PLCL1: variants seen among roughly 807,000 people sequenced by gnomAD.
PLCL1 encodes inactive phospholipase C-like protein 1.
In PLCL1, 41 loss-of-function variants were observed where a neutral mutation model predicts 84.4. That is an observed-to-expected ratio of 0.49 (90% CI 0.38 to 0.63). PLCL1 has a LOEUF of 0.63. PLCL1 is among the 30% of genes least tolerant of loss of function. PLCL1 has a pLI of 0.00. For synonymous variants in PLCL1, 490 were observed against 488.3 expected, an observed-to-expected ratio of 1.00 and a Z score of -0.05; for missense variants, 1,206 against 1,367.8, an observed-to-expected ratio of 0.88 and a Z score of 1.87.
chr2:197,897,189 CT>C (rs1559038688), intron 1 of PLCL1, among the ~76,000 whole-genome samples: 2,895 of 26,884 alleles, frequency 0.11, 131 homozygotes, highest in Middle Eastern at 0.15. Context: ...TCTTCTTCTT[CT>C]CCTTCTCCTT....
At chr2:197,840,652 G>A (rs1310065387) in intron 1 of PLCL1, among the ~76,000 whole-genome samples, 1 of 152,124 alleles carries the variant, frequency 6.6e-6, no homozygotes, top group East Asian at 1.9e-4. Context: ...AGAAATAGGA[G>A]GAATAAATGC....
chr2:197,983,185 TTTTTCTTTTC>T (rs1251723588), intron 1 of PLCL1, among the ~76,000 whole-genome samples: 1 of 145,350 alleles, frequency 6.9e-6, no homozygotes, highest in African/African-American at 2.5e-5. Flanking sequence ...TTTCTTTTTC[TTTTTCTTTTC>T]TTTTCTTTTT....
intron 1 of PLCL1, among the ~76,000 whole-genome samples, chr2:197,931,352 G>GT (rs1688927526): frequency 1.3e-5 from 2 of 152,174 alleles, no homozygotes; most frequent in African/African-American, 4.8e-5. Context: ...TTCAGGTTTT[G>GT]TTTTTTTCTT....
At chr2:197,830,562 A>G (rs1446013375) in intron 1 of PLCL1, among the ~76,000 whole-genome samples, 3 of 152,080 alleles carry the variant, frequency 2.0e-5, no homozygotes, top group African/African-American at 7.2e-5. Context: ...TACCTGAAAG[A>G]GATGGGGAGG....
At chr2:197,936,190 C>A (rs948283672) in intron 1 of PLCL1, among the ~76,000 whole-genome samples, 1 of 146,348 alleles carries the variant, frequency 6.8e-6, no homozygotes, top group East Asian at 2.0e-4. Context: ...AGGTTGATAC[C>A]GCATCTTAGC....
chr2:197,983,422 G>A (rs769865011), intron 1 of PLCL1, among the ~76,000 whole-genome samples: 3 of 151,326 alleles, frequency 2.0e-5, no homozygotes, highest in Admixed American at 6.6e-5. Context: ...TTGTAGAGAC[G>A]GAGTCTCCCT....
chr2:198,075,834 C>T (rs1001453050), intron 1 of PLCL1, among the ~76,000 whole-genome samples: 7 of 151,996 alleles, frequency 4.6e-5, no homozygotes, highest in Admixed American at 2.0e-4. Context: ...AAATTTATTC[C>T]GGACAACATT....
intron 1 of PLCL1, among the ~76,000 whole-genome samples, chr2:197,964,315 T>A (rs1009920567): frequency 2.8e-4 from 42 of 152,104 alleles, no homozygotes; most frequent in African/African-American, 1.0e-3. Flanking sequence ...ATCTTTCAGT[T>A]TTTTGGTTAA....
Position 197,811,135 on chromosome 2 carries a change from T to C in PLCL1, c.240+5796T>C, listed in dbSNP as rs564867787. Among the ~76,000 whole-genome samples, 5 of 152,378 alleles carry C rather than the reference T, an allele frequency of 3.3e-5. No individual in the cohort carries two copies. In the East Asian group the frequency reaches 9.6e-4, roughly 29 times the overall value. On this transcript the variant is annotated intron_variant, in intron 1 of 5. Coordinates refer to ENST00000428675, the MANE Select transcript of PLCL1 (RefSeq NM_006226.4). ...CTCCCTATCTATCCTAGATCATCTCTGTATTCTAGTTCCTGTAATAGGAAA... is the reference window on the plus strand; with the variant it reads ...CTCCCTATCTATCCTAGATCATCTCCGTATTCTAGTTCCTGTAATAGGAAA...
intron 1 of PLCL1, among the ~76,000 whole-genome samples, chr2:197,994,097 A>C (rs1690405634): frequency 6.6e-6 from 1 of 152,156 alleles, no homozygotes; most frequent in African/African-American, 2.4e-5. Context: ...ATTCCACTGA[A>C]GCTCCTTACT....
intron 1 of PLCL1, among the ~76,000 whole-genome samples, chr2:197,883,827 A>G (rs758900635): frequency 6.6e-6 from 1 of 152,174 alleles, no homozygotes; most frequent in Non-Finnish European, 1.5e-5. Context: ...GAGTAGGACT[A>G]TTTTGGGTAT....
chr2:198,021,270 G>A (rs1039356398), intron 1 of PLCL1, among the ~76,000 whole-genome samples: 1 of 152,178 alleles, frequency 6.6e-6, no homozygotes, highest in African/African-American at 2.4e-5. Context: ...GAAATTTACA[G>A]CACAAGTGCC....
chr2:197,839,405 C>T (rs1176616413), intron 1 of PLCL1, among the ~76,000 whole-genome samples: 2 of 152,144 alleles, frequency 1.3e-5, no homozygotes, highest in Non-Finnish European at 2.9e-5. Context: ...GATCATCAGG[C>T]GTTAGTTATT....
At chr2:197,871,741 A>G (rs996664650) in intron 1 of PLCL1, among the ~76,000 whole-genome samples, 1 of 152,092 alleles carries the variant, frequency 6.6e-6, no homozygotes, top group East Asian at 1.9e-4. Flanking sequence ...ACCTAAATTA[A>G]GTTAGGTGCA....
At chr2:197,888,282 A>G (rs1303354687) in intron 1 of PLCL1, among the ~76,000 whole-genome samples, 1 of 151,860 alleles carries the variant, frequency 6.6e-6, no homozygotes, top group East Asian at 1.9e-4. Context: ...AAGATTCCTC[A>G]TATGTTAAAG....
At chr2:198,011,547 G>A (rs961973352) in intron 1 of PLCL1, among the ~76,000 whole-genome samples, 1 of 151,944 alleles carries the variant, frequency 6.6e-6, no homozygotes, top group Non-Finnish European at 1.5e-5. Context: ...TCTATTTTGG[G>A]AATGTTCCAT....
At chr2:198,029,669 CCTT>C in intron 1 of PLCL1, among the ~76,000 whole-genome samples, 1 of 148,480 alleles carries the variant, frequency 6.7e-6, no homozygotes, top group Non-Finnish European at 1.5e-5. Flanking sequence ...TCTCTTCCTT[CCTT>C]CTTCTCTTCT....
chr2:198,093,119 G>T (rs1693090310), intron 3 of PLCL1, among the ~76,000 whole-genome samples: 1 of 152,166 alleles, frequency 6.6e-6, no homozygotes, highest in Non-Finnish European at 1.5e-5. Context: ...ATTATTATTT[G>T]CCAGGGCCTT....
intron 1 of PLCL1, among the ~76,000 whole-genome samples, chr2:197,899,783 C>T (rs868796827): frequency 6.6e-6 from 1 of 151,574 alleles, no homozygotes; most frequent in South Asian, 2.1e-4. Flanking sequence ...CTACAGGCGC[C>T]CGCTACCACG....
Sources: allele counts gnomAD v4.1 joint callset (sites outside exome capture counted in the v4.1 genomes callset), GRCh38; gene constraint gnomAD v4.1.1; transcripts MANE v1.5; gene names NCBI Gene and HGNC (gene_info 2026-07-23, HGNC 2026-07-21).